Variants in PDE1C observed in about 807,000 individuals in gnomAD.
The protein encoded by PDE1C is phosphodiesterase 1C.
A neutral mutation model predicts 93.1 loss-of-function variants in PDE1C; 62 were observed. That is an observed-to-expected ratio of 0.67 (90% CI 0.54 to 0.82). The LOEUF (loss-of-function observed/expected upper bound fraction) is 0.82. Among genes scored for constraint, PDE1C ranks in the 40% least tolerant of loss-of-function variants. The pLI is 0.00. For synonymous variants in PDE1C, 325 were observed against 310.1 expected (o/e 1.05, Z -0.50); for missense variants, 742 against 884.6 (o/e 0.84, Z 2.04).
At chr7:32,324,554 A>C (rs1783366569) in intron 1 of PDE1C, among the ~76,000 whole-genome samples, 1 of 152,234 alleles carries the variant, frequency 6.6e-6, no homozygotes, top group South Asian at 2.1e-4. Context: ...TAAAAGTTCT[A>C]CTAAAAAAAG....
At chr7:31,740,148 T>C in the PDE1C span, among the ~76,000 whole-genome samples, 1 of 152,332 alleles carries the variant, frequency 6.6e-6, no homozygotes, top group African/African-American at 2.4e-5. Context: ...GAATGTGGCA[T>C]TTCCACTCTC....
intron 16 of PDE1C, chr7:31,785,883 A>G (rs1783878864): frequency 6.6e-6 from 1 of 152,118 alleles, no homozygotes; most frequent in Non-Finnish European, 1.5e-5. Flanking sequence ...ACCCAGAGGG[A>G]GGTTTTATAG....
Position 32,171,440 on chromosome 7 carries a change from T to C in PDE1C, c.137-1484A>G, listed in dbSNP as rs183806873. Among the ~76,000 whole-genome samples, 426 of 151,270 alleles carry C rather than the reference T, an allele frequency of 2.8e-3. 3 individuals carry two copies. The highest frequency in any genetic ancestry group is 0.017 in the Middle Eastern group (5 of 292). ...ATCTGTAGTAAACATGCACAGACTT[T>C]TTTTGTCATTATTCCCTAAATAATA... On this transcript the variant is annotated intron_variant, in intron 2 of 18. Coordinates refer to the PDE1C transcript ENST00000396193.
intron 1 of PDE1C, among the ~76,000 whole-genome samples, chr7:32,364,928 T>G (rs751470689): frequency 2.6e-5 from 4 of 152,222 alleles, no homozygotes; most frequent in Non-Finnish European, 5.9e-5. Context: ...TTGCTTCTAG[T>G]CAGAGGAACA....
At chr7:32,215,091 C>T (rs1353485205) in intron 1 of PDE1C, among the ~76,000 whole-genome samples, 2 of 152,066 alleles carry the variant, frequency 1.3e-5, no homozygotes, top group Admixed American at 1.3e-4. Flanking sequence ...GGTCCCCAAC[C>T]CCTGGGCCAC....
chr7:32,255,738 A>G (rs535194324), intron 1 of PDE1C, among the ~76,000 whole-genome samples: 1 of 152,362 alleles, frequency 6.6e-6, no homozygotes, highest in East Asian at 1.9e-4. Context: ...AATAGAAAGA[A>G]AAGTACAGAG....
At chr7:31,719,177 AAG>A in the PDE1C span, among the ~76,000 whole-genome samples, 1 of 152,328 alleles carries the variant, frequency 6.6e-6, no homozygotes, top group South Asian at 2.1e-4. Flanking sequence ...ATGTTTTGAC[AAG>A]AATGCTTCCT....
At chr7:32,271,193 T>C (rs1316606156) in intron 1 of PDE1C, among the ~76,000 whole-genome samples, 1 of 152,162 alleles carries the variant, frequency 6.6e-6, no homozygotes, top group African/African-American at 2.4e-5. Flanking sequence ...TTAAATCAGA[T>C]AACTTTTGAG....
chr7:31,762,839 G>A (rs1794919199), intron 17 of PDE1C, among the ~76,000 whole-genome samples: 1 of 152,140 alleles, frequency 6.6e-6, no homozygotes, highest in Non-Finnish European at 1.5e-5. Context: ...GTATGGTATG[G>A]AAAGATGACC....
At chr7:31,933,057 A>G (rs902796274) in intron 2 of PDE1C, among the ~76,000 whole-genome samples, 2 of 152,046 alleles carry the variant, frequency 1.3e-5, no homozygotes, top group South Asian at 2.1e-4. Context: ...ACACACTGGG[A>G]TCTGTCAGGG....
intron 2 of PDE1C, among the ~76,000 whole-genome samples, chr7:31,970,663 T>C (rs1163379438): frequency 1.3e-5 from 2 of 152,234 alleles, no homozygotes; most frequent in Non-Finnish European, 2.9e-5. Flanking sequence ...GCTCCCTGCA[T>C]TGAATTTCTA....
intron 1 of PDE1C, among the ~76,000 whole-genome samples, chr7:32,306,145 T>G (rs1190739259): frequency 6.6e-6 from 1 of 152,214 alleles, no homozygotes; most frequent in Non-Finnish European, 1.5e-5. Context: ...CCTTCCACCG[T>G]GGTTGTGAGG....
chr7:31,964,643 C>T (rs554413097), intron 2 of PDE1C, among the ~76,000 whole-genome samples: 221 of 152,292 alleles, frequency 1.5e-3, no homozygotes, highest in Non-Finnish European at 2.4e-3. Context: ...GATCTGAGAA[C>T]GGGCAGACTG....
At chr7:32,332,010 T>C (rs1010808599) in intron 1 of PDE1C, among the ~76,000 whole-genome samples, 1 of 152,118 alleles carries the variant, frequency 6.6e-6, no homozygotes, top group African/African-American at 2.4e-5. Context: ...CTACACAGTG[T>C]ATATCAAAAT....
At chr7:31,893,199 T>G (rs1441781614) in intron 2 of PDE1C, among the ~76,000 whole-genome samples, 3 of 152,228 alleles carry the variant, frequency 2.0e-5, no homozygotes, top group Non-Finnish European at 4.4e-5. Context: ...AGACGGTGTT[T>G]TGTTGTATAG....
intron 2 of PDE1C, among the ~76,000 whole-genome samples, chr7:32,013,552 C>T (rs1369536548): frequency 6.6e-6 from 1 of 152,118 alleles, no homozygotes; most frequent in Non-Finnish European, 1.5e-5. Flanking sequence ...CAACTTAGAA[C>T]TTTTTAAAAG....
At chr7:31,780,362 G>A (rs12112988) in intron 16 of PDE1C, among the ~76,000 whole-genome samples, 9,254 of 152,232 alleles carry the variant, frequency 0.061, 433 homozygotes, top group East Asian at 0.25. Flanking sequence ...ATTCCAGAAA[G>A]CTTAGACCCA....
chr7:32,213,148 T>C (rs543013422), intron 1 of PDE1C, among the ~76,000 whole-genome samples: 210 of 152,342 alleles, frequency 1.4e-3, no homozygotes, highest in African/African-American at 4.8e-3. Context: ...CAGATGACTA[T>C]AGGAAGCCCC....
the PDE1C span, among the ~76,000 whole-genome samples, chr7:31,670,982 G>A: frequency 2.6e-5 from 4 of 152,240 alleles, no homozygotes; most frequent in East Asian, 7.8e-4. Flanking sequence ...GGTACAGCCA[G>A]ATTCTGGGGA....
Sources: allele counts gnomAD v4.1 joint callset (sites outside exome capture counted in the v4.1 genomes callset), GRCh38; gene constraint gnomAD v4.1.1; transcripts MANE v1.5; gene names NCBI Gene and HGNC (gene_info 2026-07-23, HGNC 2026-07-21).